The following LRRTM4 variants were observed in gnomAD, a reference collection of about 807,000 sequenced individuals.
LRRTM4 encodes leucine-rich repeat transmembrane neuronal protein 4.
In LRRTM4, 25 loss-of-function variants were observed where a neutral mutation model predicts 47.6. That is an observed-to-expected ratio of 0.53 (90% CI 0.38 to 0.73). LRRTM4 has a LOEUF of 0.73. LRRTM4 is among the 30% of genes least tolerant of loss of function. The pLI, the probability that LRRTM4 is intolerant of heterozygous loss-of-function variation, is 0.00. For synonymous variants in LRRTM4, 311 were observed against 269.5 expected, an observed-to-expected ratio of 1.15 and a Z score of -1.51; for missense variants, 638 against 713.4, an observed-to-expected ratio of 0.89 and a Z score of 1.20.
intron 3 of LRRTM4, among the ~76,000 whole-genome samples, chr2:76,825,826 G>A (rs1391167740): frequency 6.6e-6 from 1 of 151,630 alleles, no homozygotes; most frequent in Non-Finnish European, 1.5e-5. Context: ...CAAAGGGAAA[G>A]TGCTGGAAAA....
Position 76,821,924 on chromosome 2 carries a change from G to T in LRRTM4, c.1552-73008C>A, listed in dbSNP as rs560845244. On this transcript the variant is annotated intron_variant, in intron 3 of 3. Coordinates refer to ENST00000409884, the MANE Select transcript of LRRTM4 (RefSeq NM_001134745.3). ...CTCATTGCATCATATAGTACCTGAC[G>T]TATGTTGGAACAGAGTCCAATTACT... 1.4e-3 allele frequency among the ~76,000 whole-genome samples: 211 copies of T among 151,666 alleles called. 1 individual carries two copies. The highest frequency in any genetic ancestry group is 4.8e-3 in the African/African-American group (199 of 41,480).
At chr2:77,094,381 A>T (rs958633416) in intron 3 of LRRTM4, among the ~76,000 whole-genome samples, 1 of 152,164 alleles carries the variant, frequency 6.6e-6, no homozygotes, top group Admixed American at 6.5e-5. Flanking sequence ...GATTCAATGC[A>T]ATTTCTATCA....
intron 3 of LRRTM4, among the ~76,000 whole-genome samples, chr2:76,825,970 G>A (rs1447590930): frequency 1.3e-5 from 2 of 151,694 alleles, no homozygotes; most frequent in African/African-American, 4.8e-5. Flanking sequence ...AACCACAAAA[G>A]CCTGAACATT....
intron 3 of LRRTM4, among the ~76,000 whole-genome samples, chr2:77,162,446 C>A (rs1672757762): frequency 6.6e-6 from 1 of 152,162 alleles, no homozygotes; most frequent in Non-Finnish European, 1.5e-5. Flanking sequence ...ATTTAAACGT[C>A]CCTGTCTGAC....
At chr2:77,149,604 G>A (rs534324036) in intron 3 of LRRTM4, among the ~76,000 whole-genome samples, 1 of 152,320 alleles carries the variant, frequency 6.6e-6, no homozygotes, top group African/African-American at 2.4e-5. Context: ...GCATAAAAAA[G>A]CTGTTTGAGT....
intron 3 of LRRTM4, among the ~76,000 whole-genome samples, chr2:77,010,956 A>G (rs1226606486): frequency 6.6e-6 from 1 of 152,106 alleles, no homozygotes; most frequent in Non-Finnish European, 1.5e-5. Flanking sequence ...TGACATCAGT[A>G]TGATTTTGGG....
chr2:77,496,440 G>A (rs908956251), intron 3 of LRRTM4, among the ~76,000 whole-genome samples: 1 of 151,786 alleles, frequency 6.6e-6, no homozygotes, highest in Non-Finnish European at 1.5e-5. Context: ...TCTTCATTGT[G>A]TATGATGTTA....
At chr2:77,329,493 G>GA (rs1172662806) in intron 3 of LRRTM4, among the ~76,000 whole-genome samples, 1 of 152,106 alleles carries the variant, frequency 6.6e-6, no homozygotes, top group African/African-American at 2.4e-5. Context: ...CAATTTTAAA[G>GA]AAAGAAAAGC....
chr2:76,983,036 T>C (rs1358171214), intron 3 of LRRTM4, among the ~76,000 whole-genome samples: 1 of 150,446 alleles, frequency 6.6e-6, no homozygotes, highest in African/African-American at 2.4e-5. Context: ...AAGACACATA[T>C]TAAATACTCT....
chr2:77,226,530 ATTATATAC>A (rs1273407746), intron 3 of LRRTM4, among the ~76,000 whole-genome samples: 1 of 95,298 alleles, frequency 1.0e-5, no homozygotes, highest in Non-Finnish European at 2.1e-5. Context: ...TACAGAGCAA[ATTATATAC>A]ATATATATAT....
rs150109909 is a variant in LRRTM4, at chr2:77,054,115, G to A, written c.1552-305199C>T. ...CTCAGATTTTTCGTCCAAAACATGG[G>A]GAAACCACAGTAGCAATCTCAAGGA... On this transcript the variant is annotated intron_variant, in intron 3 of 3. Transcript: ENST00000409884. 1.3e-3 allele frequency among the ~76,000 whole-genome samples: 195 copies of A among 151,402 alleles called. 1 individual carries two copies. Among genetic ancestry groups the A allele is most frequent in the Middle Eastern group, 0.01 (3 of 294 alleles).
intron 3 of LRRTM4, among the ~76,000 whole-genome samples, chr2:76,998,037 T>C (rs1034272915): frequency 4.6e-5 from 7 of 152,052 alleles, no homozygotes; most frequent in Non-Finnish European, 8.8e-5. Flanking sequence ...TTATACATTA[T>C]GGTGAGTTGT....
chr2:76,849,815 A>C (rs1233335969), intron 3 of LRRTM4, among the ~76,000 whole-genome samples: 1 of 152,136 alleles, frequency 6.6e-6, no homozygotes, highest in African/African-American at 2.4e-5. Context: ...AATCTCTTAG[A>C]AGTTGAAGAC....
chr2:77,131,743 C>T (rs2103977265), intron 3 of LRRTM4, among the ~76,000 whole-genome samples: 1 of 152,210 alleles, frequency 6.6e-6, no homozygotes, highest in South Asian at 2.1e-4. Context: ...CTCCCCTTTT[C>T]AATAAACTTC....
chr2:77,061,790 T>C (rs1481249604), intron 3 of LRRTM4, among the ~76,000 whole-genome samples: 1 of 152,202 alleles, frequency 6.6e-6, no homozygotes, highest in Non-Finnish European at 1.5e-5. Flanking sequence ...CATGAGTTAA[T>C]TGAACAAACT....
chr2:77,261,037 T>TTG (rs779905409), intron 3 of LRRTM4, among the ~76,000 whole-genome samples: 1 of 152,046 alleles, frequency 6.6e-6, no homozygotes, highest in Non-Finnish European at 1.5e-5. Context: ...AGCATGAGTA[T>TTG]TGTGTGTAGC....
At position 76,907,670 on chromosome 2, in the gene LRRTM4, G is replaced by A. The variant is rs1167375601; in HGVS notation, c.1552-158754C>T. ...AAATGATAAAGGGGATATCACCATC[G>A]ATACCACAGAAATACAAACTACCAT... On this transcript the variant is annotated intron_variant, in intron 3 of 3. Transcript: ENST00000409884. Among the ~76,000 whole-genome samples, 41 of 113,994 alleles carry A rather than the reference G, an allele frequency of 3.6e-4. 5 individuals carry two copies. In the East Asian group the frequency reaches 0.012, roughly 33 times the overall value. 74.8% of individuals were successfully genotyped at this position (113,994 alleles called of 152,430 possible).
In LRRTM4 at chr2:77,006,350, A is replaced by G. The variant is rs533735674; in HGVS notation, c.1552-257434T>C. Among the ~76,000 whole-genome samples the G allele has an allele frequency of 2.0e-5, 3 of 152,304 alleles. No homozygotes were observed. The East Asian group carries it at 5.8e-4, about 29-fold the overall frequency. ...TTTCTAAATTCTCAAGCTCATTTTT[A>G]CTAAATCACATACTAAAGAGATGTT... On this transcript the variant is annotated intron_variant, in intron 3 of 3. Coordinates refer to ENST00000409884, the MANE Select transcript of LRRTM4 (RefSeq NM_001134745.3).
At chr2:77,175,209 A>G (rs1252807200) in intron 3 of LRRTM4, among the ~76,000 whole-genome samples, 1 of 151,638 alleles carries the variant, frequency 6.6e-6, no homozygotes, top group Non-Finnish European at 1.5e-5. Context: ...AGCTAGGATT[A>G]CAGGTGTGCA....
Sources: gnomAD v4.1 joint callset for allele counts (sites outside exome capture counted in the v4.1 genomes callset) on GRCh38, gnomAD v4.1.1 for gene constraint, MANE v1.5 for transcripts, NCBI Gene and HGNC (gene_info 2026-07-23, HGNC 2026-07-21) for gene names.